The following SEMA3A variants were observed in gnomAD, a reference collection of about 807,000 sequenced individuals.
The protein encoded by SEMA3A is semaphorin-3A.
SEMA3A carries 29 observed loss-of-function variants against 97.9 expected under a neutral mutation model. The ratio of observed to expected loss-of-function variants is 0.30; its 90% CI spans 0.22 to 0.40. SEMA3A has a LOEUF of 0.40. SEMA3A is among the 10% of genes least tolerant of loss of function. SEMA3A has a pLI of 1.00. For missense variants in SEMA3A, 763 were observed against 951.3 expected, an observed-to-expected ratio of 0.80 and a Z score of 2.60; for synonymous variants, 321 against 323.7, an observed-to-expected ratio of 0.99 and a Z score of 0.09.
chr7:84,023,412 A>G (rs1260065815), intron 6 of SEMA3A, among the ~76,000 whole-genome samples: 1 of 152,212 alleles, frequency 6.6e-6, no homozygotes, highest in African/African-American at 2.4e-5. Context: ...ATGATTAATT[A>G]AGGCATTTGG....
intron 3 of SEMA3A, among the ~76,000 whole-genome samples, chr7:84,268,376 CT>C (rs1800064223): frequency 6.6e-6 from 1 of 151,582 alleles, no homozygotes; most frequent in Non-Finnish European, 1.5e-5. Flanking sequence ...AGTTGTGACA[CT>C]TTCCTTCTCA....
At chr7:84,049,185 C>G (rs1188439125) in intron 5 of SEMA3A, among the ~76,000 whole-genome samples, 1 of 151,990 alleles carries the variant, frequency 6.6e-6, no homozygotes, top group African/African-American at 2.4e-5. Flanking sequence ...TTGCCTCCAG[C>G]TATAGGAAAT....
intron 1 of SEMA3A, among the ~76,000 whole-genome samples, chr7:84,191,329 G>A (rs1798032791): frequency 6.6e-6 from 1 of 151,260 alleles, no homozygotes; most frequent in Non-Finnish European, 1.5e-5. Flanking sequence ...ATGAAGTTAA[G>A]GTTAAAATCA....
At chr7:84,228,412 A>T (rs1386650105) in intron 3 of SEMA3A, among the ~76,000 whole-genome samples, 1 of 152,096 alleles carries the variant, frequency 6.6e-6, no homozygotes, top group African/African-American at 2.4e-5. Flanking sequence ...CATTATAAAC[A>T]TTAAAAATAG....
chr7:84,424,644 T>TA (rs1306451667), intron 1 of SEMA3A, among the ~76,000 whole-genome samples: 2 of 95,240 alleles, frequency 2.1e-5, no homozygotes, highest in Non-Finnish European at 3.6e-5. Flanking sequence ...CAATATATAT[T>TA]ATATTTATAT....
Position 84,118,811 on chromosome 7 carries a change from C to A in SEMA3A, c.334-8222G>T, listed in dbSNP as rs530749483. On this transcript the variant is annotated intron_variant, in intron 3 of 16. Coordinates refer to ENST00000265362, the MANE Select transcript of SEMA3A (RefSeq NM_006080.3). The stretch of plus-strand genomic sequence containing the variant: ...CCTACAACAACTTCACGCCCACTAC[C>A]TGTCTCAGGCAGTAGCCTTCCATAG... 6.3e-4 allele frequency among the ~76,000 whole-genome samples: 96 copies of A among 152,336 alleles called. 2 individuals carry two copies. Among genetic ancestry groups the A allele is most frequent in the Non-Finnish European group, 9.6e-4 (65 of 68,038 alleles).
chr7:84,440,708 G>A (rs1190469262), intron 1 of SEMA3A, among the ~76,000 whole-genome samples: 1 of 152,078 alleles, frequency 6.6e-6, no homozygotes, highest in East Asian at 1.9e-4. Flanking sequence ...CACAGAGACA[G>A]CTTACAACAA....
chr7:84,164,821 T>C (rs931909428), intron 1 of SEMA3A, among the ~76,000 whole-genome samples: 1 of 152,174 alleles, frequency 6.6e-6, no homozygotes, highest in African/African-American at 2.4e-5. Flanking sequence ...TTATTACCAA[T>C]GTATTAGTCC....
intron 5 of SEMA3A, among the ~76,000 whole-genome samples, chr7:84,054,063 G>C (rs1306992754): frequency 6.6e-6 from 1 of 151,716 alleles, no homozygotes; most frequent in African/African-American, 2.4e-5. Context: ...TGGCTTGTAG[G>C]GTTTCTGCTG....
intron 4 of SEMA3A, among the ~76,000 whole-genome samples, chr7:84,068,860 G>A (rs538159572): frequency 5.9e-5 from 9 of 152,044 alleles, no homozygotes; most frequent in Non-Finnish European, 1.3e-4. Context: ...ACTATCCTTC[G>A]TCATGGTGTC....
chr7:84,182,965 A>T (rs1404763100), intron 1 of SEMA3A, among the ~76,000 whole-genome samples: 1 of 152,134 alleles, frequency 6.6e-6, no homozygotes, highest in African/African-American at 2.4e-5. Context: ...ATTACTTTTA[A>T]TATAATCTCC....
intron 6 of SEMA3A, among the ~76,000 whole-genome samples, chr7:84,015,417 C>A (rs73709421): frequency 0.056 from 8,564 of 152,192 alleles, 814 homozygotes; most frequent in African/African-American, 0.19. Flanking sequence ...CCACTTCAAA[C>A]AGTATTTTTG....
At chr7:84,335,233 T>G (rs1054833902) in intron 2 of SEMA3A, among the ~76,000 whole-genome samples, 5 of 152,242 alleles carry the variant, frequency 3.3e-5, no homozygotes, top group African/African-American at 9.6e-5. Context: ...ATAGATATAA[T>G]TGTACATAAT....
intron 4 of SEMA3A, among the ~76,000 whole-genome samples, chr7:84,106,067 A>C (rs1795100131): frequency 6.6e-6 from 1 of 152,180 alleles, no homozygotes; most frequent in Non-Finnish European, 1.5e-5. Context: ...TGTTTAAGAC[A>C]GCAATCAATG....
chr7:84,067,674 G>A (rs1793575402), intron 4 of SEMA3A, among the ~76,000 whole-genome samples: 1 of 152,130 alleles, frequency 6.6e-6, no homozygotes, highest in South Asian at 2.1e-4. Flanking sequence ...ATGAAAAAAT[G>A]CTCATCATCA....
intron 1 of SEMA3A, among the ~76,000 whole-genome samples, chr7:84,394,154 G>T (rs1803663943): frequency 7.3e-6 from 1 of 137,636 alleles, no homozygotes; most frequent in African/African-American, 2.9e-5. Context: ...AGCAGATAAA[G>T]AATTAGAAAT....
In SEMA3A at chr7:84,318,886, C is replaced by T. The variant is rs542131283; in HGVS notation, c.-168-11594G>A. ...ACCAGATAATGCAAATAAACAAGGCCAATGAAACAGTAACCTTAATTTCAA... is the reference window on the plus strand; with the variant it reads ...ACCAGATAATGCAAATAAACAAGGCTAATGAAACAGTAACCTTAATTTCAA... On this transcript the variant is annotated intron_variant, in intron 2 of 3. Coordinates refer to the SEMA3A transcript ENST00000424555. Among the ~76,000 whole-genome samples, 5 of 152,122 alleles carry T rather than the reference C, an allele frequency of 3.3e-5. 1 individual carries two copies. The highest frequency in any genetic ancestry group is 1.2e-4 in the African/African-American group (5 of 41,518).
intron 2 of SEMA3A, among the ~76,000 whole-genome samples, chr7:84,310,324 A>G (rs1294941718): frequency 6.6e-6 from 1 of 151,988 alleles, no homozygotes; most frequent in Non-Finnish European, 1.5e-5. Flanking sequence ...TATGTGAGCC[A>G]AGCAGGTACC....
At chr7:84,433,354 G>T (rs1250656852) in intron 1 of SEMA3A, among the ~76,000 whole-genome samples, 1 of 150,642 alleles carries the variant, frequency 6.6e-6, no homozygotes, top group Non-Finnish European at 1.5e-5. Context: ...GTGTTAGTTT[G>T]CTGAGAATGA....
Sources: allele counts gnomAD v4.1 joint callset (sites outside exome capture counted in the v4.1 genomes callset), GRCh38; gene constraint gnomAD v4.1.1; transcripts MANE v1.5; gene names NCBI Gene and HGNC (gene_info 2026-07-23, HGNC 2026-07-21).